Variants in PLEKHA8 observed in about 807,000 individuals in gnomAD.
PLEKHA8 encodes the protein pleckstrin homology domain containing A8.
Under a neutral mutation model 68.2 loss-of-function variants are expected in PLEKHA8, and 36 were observed. The observed-to-expected ratio is 0.53, with a 90% confidence interval of 0.40 to 0.70. The LOEUF is 0.70. Among genes scored for constraint, PLEKHA8 ranks in the 30% least tolerant of loss-of-function variants. PLEKHA8 has a pLI of 0.00. For missense variants in PLEKHA8, 505 were observed against 615.4 expected (o/e 0.82, Z 1.90); for synonymous variants, 211 against 216.1 (o/e 0.98, Z 0.20).
chr7:30,063,659 G>A (rs895935155), intron 12 of PLEKHA8, among the ~76,000 whole-genome samples: 4 of 152,080 alleles, frequency 2.6e-5, no homozygotes, highest in Non-Finnish European at 4.4e-5. Context: ...GTGATTTCCC[G>A]AGTCTGCCCC....
intron 13 of PLEKHA8, among the ~76,000 whole-genome samples, chr7:30,123,684 G>A (rs146894231): frequency 6.6e-6 from 1 of 152,274 alleles, no homozygotes; most frequent in East Asian, 1.9e-4. Flanking sequence ...GAGCTGCTAG[G>A]GGTTGTCTTT....
Position 30,062,041 on chromosome 7 carries a change from G to T in PLEKHA8, c.1229+14G>T. On this transcript the variant is annotated intron_variant, in intron 11 of 13. Transcript: ENST00000449726. The stretch of plus-strand genomic sequence containing the variant: ...GTGGCTGAAGAGGTGAGGCAGCTGG[G>T]GTGGGACAGCAGTTAAAATCTAGCT... 1.9e-6 allele frequency: 3 copies of T among 1,603,112 alleles called. No homozygotes were observed. The highest frequency in any genetic ancestry group is 1.3e-5 in the African/African-American group (1 of 74,428).
Position 30,079,728 on chromosome 7 carries a change from TC to T in PLEKHA8, c.*944del. 1.9e-6 allele frequency: 1 copy of T among 525,624 alleles called. No homozygotes were observed. Among genetic ancestry groups the T allele is most frequent in the Non-Finnish European group, 2.4e-6 (1 of 410,318 alleles). 32.6% of individuals were successfully genotyped at this position (525,624 alleles called of 1,614,324 possible). A position where few individuals can be genotyped will look rare whatever the true frequency, so the allele number is the denominator to read the frequency against. ...TGGAGTGCTTGTTCAAACAGCAGAT[TC>T]CCAGGCCTTATTTTGGCCTAAAGAA... On this transcript the variant is annotated 3_prime_UTR_variant, in exon 14 of 14. Transcript: ENST00000449726.
At chr7:30,129,026 A>C (rs1796829169) in intron 13 of PLEKHA8, among the ~76,000 whole-genome samples, 1 of 152,210 alleles carries the variant, frequency 6.6e-6, no homozygotes, top group African/African-American at 2.4e-5. Flanking sequence ...CCCTGCCTCC[A>C]CCACTGGGGA....
chr7:30,054,949 T>C (rs1792719710), intron 8 of PLEKHA8, 84 bp downstream of exon 8: 4 of 1,323,672 alleles, frequency 3.0e-6, no homozygotes, highest in Non-Finnish European at 4.2e-6. Context: ...TTTCAGGTGA[T>C]GGCATATTCT....
intron 12 of PLEKHA8, among the ~76,000 whole-genome samples, chr7:30,067,931 C>T (rs1479898585): frequency 1.3e-5 from 2 of 152,220 alleles, no homozygotes; most frequent in Non-Finnish European, 2.9e-5. Flanking sequence ...CTACAATGTA[C>T]ACGTTCCTTT....
At chr7:30,040,666 A>G (rs970626393) in intron 1 of PLEKHA8, among the ~76,000 whole-genome samples, 2 of 152,258 alleles carry the variant, frequency 1.3e-5, no homozygotes, top group South Asian at 2.1e-4. Flanking sequence ...TGGATTGCCA[A>G]AAATAAATGT....
chr7:30,085,579 T>G (rs1795151248), downstream of PLEKHA8, among the ~76,000 whole-genome samples: 1 of 152,170 alleles, frequency 6.6e-6, no homozygotes, highest in East Asian at 1.9e-4. Flanking sequence ...TTGTGCATAT[T>G]AGGATACCTA....
intron 1 of PLEKHA8, among the ~76,000 whole-genome samples, chr7:30,035,296 G>A (rs1396377624): frequency 2.6e-5 from 4 of 152,208 alleles, no homozygotes; most frequent in Non-Finnish European, 5.9e-5. Context: ...TTAAGAATAT[G>A]TAATGGATAT....
intron 1 of PLEKHA8, among the ~76,000 whole-genome samples, chr7:30,032,815 T>C (rs1209733760): frequency 1.3e-5 from 2 of 152,260 alleles, no homozygotes; most frequent in Non-Finnish European, 2.9e-5. Context: ...TTTAGGTCCT[T>C]TTCCTGCCCA....
intron 13 of PLEKHA8, among the ~76,000 whole-genome samples, chr7:30,116,870 C>T (rs538637041): frequency 3.5e-4 from 54 of 152,302 alleles, no homozygotes; most frequent in Non-Finnish European, 6.9e-4. Context: ...CAAGTCTCTC[C>T]ACAGGCCAGT....
In PLEKHA8 at chr7:30,081,910, TCTTGA is replaced by T; in HGVS notation, c.*3127_*3131del. On this transcript the variant is annotated 3_prime_UTR_variant, in exon 14 of 14. Transcript: ENST00000449726. ...AAAATATTTTCAATGATGGCAAGTC[TCTTGA>T]CTTTTGAAAGCAAGTCAGATTCCTT... 2.0e-6 allele frequency: 2 copies of T among 977,972 alleles called. No homozygotes were observed. Among genetic ancestry groups the T allele is most frequent in the Non-Finnish European group, 2.4e-6 (2 of 823,182 alleles). 60.6% of individuals were successfully genotyped at this position (977,972 alleles called of 1,614,324 possible). A position where few individuals can be genotyped will look rare whatever the true frequency, so the allele number is the denominator to read the frequency against.
At position 30,115,994 on chromosome 7, in the gene PLEKHA8, G is replaced by T. The variant is rs545631205; in HGVS notation, c.1363-13272G>T. Reference sequence around the variant, plus strand: ...TGTGCATGCATGCATGTATGCATACGCATACATACGCATACATACGCATAC... The same window carrying T: ...TGTGCATGCATGCATGTATGCATACTCATACATACGCATACATACGCATAC... On this transcript the variant is annotated intron_variant, in intron 13 of 13. Coordinates refer to the PLEKHA8 transcript ENST00000396257. 4 of 134,962 alleles carry T rather than the reference G, an allele frequency of 3.0e-5. 1 individual carries two copies. Among genetic ancestry groups the T allele is most frequent in the African/African-American group, 1.1e-4 (4 of 36,126 alleles). 8.4% of individuals were successfully genotyped at this position (134,962 alleles called of 1,614,324 possible). A position where few individuals can be genotyped will look rare whatever the true frequency, so the allele number is the denominator to read the frequency against.
Position 30,045,116 on chromosome 7 carries a change from G to A in PLEKHA8, c.72G>A (p.Gly24=). 2 of 1,609,358 alleles carry A rather than the reference G, an allele frequency of 1.2e-6. No individual in the cohort carries two copies. The highest frequency in any genetic ancestry group is 1.7e-6 in the Non-Finnish European group (2 of 1,178,020). ...GWQPRWFLLC[G]GILSYYDSPE... ...AGCCTCGATGGTTCCTTCTCTGTGG[G>A]GGAATATTGTCCTATTATGATTCTC... The change falls in exon 2 of 14, where the codon GGG becomes GGA. Residue 24 remains glycine, a synonymous_variant. Coordinates refer to ENST00000449726, the MANE Select transcript of PLEKHA8 (RefSeq NM_001197026.2).
chr7:30,030,427 A>G (rs1469868342), intron 1 of PLEKHA8, among the ~76,000 whole-genome samples: 1 of 152,178 alleles, frequency 6.6e-6, no homozygotes, highest in Non-Finnish European at 1.5e-5. Flanking sequence ...GTATCCTTCA[A>G]TAAAGCAGAA....
chr7:30,090,080 A>T, intron 12 of PLEKHA8: 1 of 1,448,628 alleles, frequency 6.9e-7, no homozygotes, highest in Non-Finnish European at 9.3e-7. Context: ...AAGTATCTGG[A>T]GATAAAATAC....
At chr7:30,065,832 G>A (rs554435899) in intron 12 of PLEKHA8, among the ~76,000 whole-genome samples, 2 of 152,158 alleles carry the variant, frequency 1.3e-5, no homozygotes, top group South Asian at 2.1e-4. Flanking sequence ...CCTTCCCTAG[G>A]GTCTCAAAAT....
At position 30,079,209 on chromosome 7, in the gene PLEKHA8, A is replaced by G. The variant is rs1794798482; in HGVS notation, c.*422A>G. 1.0e-6 allele frequency: 1 copy of G among 1,004,438 alleles called. No homozygotes were observed. Among genetic ancestry groups the G allele is most frequent in the African/African-American group, 1.7e-5 (1 of 57,492 alleles). 62.2% of individuals were successfully genotyped at this position (1,004,438 alleles called of 1,614,324 possible). A position where few individuals can be genotyped will look rare whatever the true frequency, so the allele number is the denominator to read the frequency against. On this transcript the variant is annotated 3_prime_UTR_variant, in exon 14 of 14. Transcript: ENST00000449726. ...CAGCCAACTTAGACTAGACATTTGGAGGTAGTATAAGCTGCTTTGTTGAAG... is the reference window on the plus strand; with the variant it reads ...CAGCCAACTTAGACTAGACATTTGGGGGTAGTATAAGCTGCTTTGTTGAAG...
rs982820775 is a variant in PLEKHA8, at chr7:30,080,609, T to A, written c.*1822T>A. The A allele has an allele frequency of 1.0e-6, 1 of 985,380 alleles. No homozygotes were observed. The highest frequency in any genetic ancestry group is 1.2e-6 in the Non-Finnish European group (1 of 829,884). The allele number at this position is 985,380 out of a possible 1,614,324, so 61.0% of individuals were successfully genotyped here. A position where few individuals can be genotyped will look rare whatever the true frequency, so the allele number is the denominator to read the frequency against. ...TTAGGTATTTTGCCCACATAAAGAC[T>A]TCTGGAAAATACTTAAACTTGAAAA... On this transcript the variant is annotated 3_prime_UTR_variant, in exon 14 of 14. Coordinates refer to ENST00000449726, the MANE Select transcript of PLEKHA8 (RefSeq NM_001197026.2).
Sources: gnomAD v4.1 joint callset for allele counts (sites outside exome capture counted in the v4.1 genomes callset) on GRCh38, gnomAD v4.1.1 for gene constraint, MANE v1.5 for transcripts, NCBI Gene and HGNC (gene_info 2026-07-23, HGNC 2026-07-21) for gene names.